NALCN: variants seen among roughly 807,000 people sequenced by gnomAD.
The protein encoded by NALCN is sodium leak channel, non-selective, also known as sodium leak channel NALCN.
Under a neutral mutation model 225.3 loss-of-function variants are expected in NALCN, and 111 were observed. That is an observed-to-expected ratio of 0.49 (90% CI 0.42 to 0.58). The LOEUF is 0.58. Among genes scored for constraint, NALCN ranks in the 20% least tolerant of loss-of-function variants. NALCN has a pLI of 0.00. For missense variants in NALCN, 1,378 were observed against 2,202.4 expected, an observed-to-expected ratio of 0.63 and a Z score of 7.49; for synonymous variants, 764 against 769.0, an observed-to-expected ratio of 0.99 and a Z score of 0.11.
chr13:101,368,072 A>T (rs1158208238), intron 6 of NALCN, among the ~76,000 whole-genome samples: 1 of 151,424 alleles, frequency 6.6e-6, no homozygotes, highest in Non-Finnish European at 1.5e-5. Flanking sequence ...TTACATATGT[A>T]TACATGTGCC....
intron 25 of NALCN, 89 bp from the exon 26 acceptor site, chr13:101,103,428 T>G: frequency 7.0e-7 from 1 of 1,435,366 alleles, no homozygotes; most frequent in Non-Finnish European, 9.4e-7. Context: ...CAACTTTTCA[T>G]TTAGCAGAGA....
intron 11 of NALCN, among the ~76,000 whole-genome samples, chr13:101,240,253 GC>G (rs1231158738): frequency 6.6e-6 from 1 of 151,744 alleles, no homozygotes; most frequent in Non-Finnish European, 1.5e-5. Flanking sequence ...ATCCAGGAAT[GC>G]ACTCTTTTCC....
Position 101,149,258 on chromosome 13 carries a change from A to C in NALCN, c.1840-4362T>G, listed in dbSNP as rs189089339. On this transcript the variant is annotated intron_variant, in intron 15 of 43. Transcript: ENST00000251127. ...CAGTGAGCCAAGATTGTGCCACTGC[A>C]CTCCAGCCTGGGGGACACAGCGAGA... Among the ~76,000 whole-genome samples, 435 of 150,444 alleles carry C rather than the reference A, an allele frequency of 2.9e-3. 1 individual carries two copies. The highest frequency in any genetic ancestry group is 7.1e-3 in the African/African-American group (288 of 40,844).
rs959466949 is a variant in NALCN, at chr13:101,054,119, T to G, written c.*1176A>C. On this transcript the variant is annotated 3_prime_UTR_variant, in exon 44 of 44. Transcript: ENST00000251127. The stretch of plus-strand genomic sequence containing the variant: ...AGTTAAAGGTCCAAGTCAAGTCCAC[T>G]TCTACTTGGCTGGCCCAGCACAAGA... 1.3e-5 allele frequency: 2 copies of G among 152,216 alleles called. No homozygotes were observed. Among genetic ancestry groups the G allele is most frequent in the Admixed American group, 6.5e-5 (1 of 15,276 alleles). The allele number at this position is 152,216 out of a possible 1,614,324, so 9.4% of individuals were successfully genotyped here.
intron 13 of NALCN, among the ~76,000 whole-genome samples, chr13:101,216,357 A>C (rs1225206568): frequency 6.6e-6 from 1 of 152,130 alleles, no homozygotes; most frequent in African/African-American, 2.4e-5. Context: ...TAAAAGTATA[A>C]AGAAATTTAT....
intron 27 of NALCN, among the ~76,000 whole-genome samples, chr13:101,098,621 C>G (rs996147150): frequency 6.6e-6 from 1 of 152,306 alleles, no homozygotes; most frequent in African/African-American, 2.4e-5. Flanking sequence ...GGCGCAGCAA[C>G]TGAAGCTTCG....
rs182059616 is a variant in NALCN at position 101,142,317 on chromosome 13, T to G, written c.2118+763A>C. On this transcript the variant is annotated intron_variant, in intron 17 of 43. Coordinates refer to ENST00000251127, the MANE Select transcript of NALCN (RefSeq NM_052867.4). ...CCACCACGCCCAGCTGACTTTTGTA[T>G]TTTTAGTAGAGATGGGGTTACACCA... 5.6e-3 allele frequency among the ~76,000 whole-genome samples: 849 copies of G among 151,966 alleles called. 9 individuals carry two copies. Among genetic ancestry groups the G allele is most frequent in the Non-Finnish European group, 8.7e-3 (589 of 67,962 alleles).
At chr13:101,070,066 T>TTTTTTTTTC (rs2032746556) in intron 37 of NALCN, among the ~76,000 whole-genome samples, 1 of 15,540 alleles carries the variant, frequency 6.4e-5, no homozygotes, top group Admixed American at 9.4e-4. Flanking sequence ...CATGAATGTT[T>TTTTTTTTTC]TTTTTTTTTT....
chr13:101,203,461 C>T (rs1373289518), intron 13 of NALCN, among the ~76,000 whole-genome samples: 1 of 152,180 alleles, frequency 6.6e-6, no homozygotes, highest in Non-Finnish European at 1.5e-5. Context: ...AGGTGATCCA[C>T]CCACCTCAGC....
intron 17 of NALCN, among the ~76,000 whole-genome samples, chr13:101,128,717 A>C (rs1405758627): frequency 6.7e-6 from 1 of 149,952 alleles, no homozygotes; most frequent in Non-Finnish European, 1.5e-5. Context: ...GCCATCACAT[A>C]TAGCTAAGTA....
chr13:101,267,512 T>C (rs1360670225), intron 10 of NALCN, among the ~76,000 whole-genome samples: 1 of 152,224 alleles, frequency 6.6e-6, no homozygotes, highest in African/African-American at 2.4e-5. Context: ...TGACTTATTT[T>C]GGTCAGTGAG....
chr13:101,228,945 C>T (rs1157405201), intron 13 of NALCN, among the ~76,000 whole-genome samples: 1 of 152,068 alleles, frequency 6.6e-6, no homozygotes. Context: ...AGCTGAGAGA[C>T]ATTTAAAATC....
chr13:101,259,387 G>T (rs1025495352), intron 10 of NALCN, among the ~76,000 whole-genome samples: 1 of 151,954 alleles, frequency 6.6e-6, no homozygotes, highest in African/African-American at 2.4e-5. Flanking sequence ...AGGCTAGAGT[G>T]CAGTGGCGTG....
chr13:101,237,998 T>C, intron 11 of NALCN, 76 bp from the exon 12 acceptor site: 1 of 1,425,936 alleles, frequency 7.0e-7, no homozygotes, highest in Non-Finnish European at 9.6e-7. Context: ...TATTTGTCAG[T>C]GTATGAATTT....
At chr13:101,399,947 A>T (rs1270941519) in intron 1 of NALCN, among the ~76,000 whole-genome samples, 3 of 152,184 alleles carry the variant, frequency 2.0e-5, no homozygotes, top group Non-Finnish European at 4.4e-5. Flanking sequence ...CACAAATAGC[A>T]AATAAGTGCA....
intron 12 of NALCN, among the ~76,000 whole-genome samples, chr13:101,237,262 T>C (rs2140155037): frequency 6.6e-6 from 1 of 152,186 alleles, no homozygotes; most frequent in South Asian, 2.1e-4. Context: ...TAAATAATAC[T>C]GTATGAGTAA....
At chr13:101,297,171 G>A (rs916002091) in intron 7 of NALCN, among the ~76,000 whole-genome samples, 1 of 152,152 alleles carries the variant, frequency 6.6e-6, no homozygotes, top group African/African-American at 2.4e-5. Context: ...TCAAGTGAGA[G>A]GGTCATAAAA....
intron 33 of NALCN, among the ~76,000 whole-genome samples, chr13:101,082,003 G>A (rs965058976): frequency 5.9e-5 from 9 of 151,928 alleles, no homozygotes; most frequent in Admixed American, 2.6e-4. Flanking sequence ...TCAGCCTCCC[G>A]AGTAGCTGAG....
intron 7 of NALCN, among the ~76,000 whole-genome samples, chr13:101,299,170 T>C (rs1157211435): frequency 3.3e-5 from 5 of 152,224 alleles, no homozygotes; most frequent in Admixed American, 2.6e-4. Flanking sequence ...TTTTAACAAC[T>C]AGGCACTGGA....
Sources: gnomAD v4.1 joint callset for allele counts (sites outside exome capture counted in the v4.1 genomes callset) on GRCh38, gnomAD v4.1.1 for gene constraint, MANE v1.5 for transcripts, NCBI Gene and HGNC (gene_info 2026-07-23, HGNC 2026-07-21) for gene names.